Variants in TMEM144 observed in about 807,000 individuals in gnomAD.
TMEM144 encodes transmembrane protein 144.
A neutral mutation model predicts 43.6 loss-of-function variants in TMEM144; 39 were observed. The observed-to-expected ratio is 0.90, with a 90% CI of 0.69 to 1.17. The LOEUF is 1.17. TMEM144 is among the 50% of genes most tolerant of loss of function. The pLI, the probability that TMEM144 is intolerant of heterozygous loss-of-function variation, is 0.00. For missense variants in TMEM144, 417 were observed against 411.9 expected (o/e 1.01, Z -0.11); for synonymous variants, 154 against 133.6 (o/e 1.15, Z -1.06).
intron 6 of TMEM144, among the ~76,000 whole-genome samples, chr4:158,227,867 T>C (rs1027284599): frequency 2.0e-5 from 3 of 152,264 alleles, no homozygotes; most frequent in Admixed American, 1.3e-4. Context: ...CCTGGTGTCA[T>C]AGTACTCCAT....
At chr4:158,225,679 G>A (rs1477663263) in intron 6 of TMEM144, among the ~76,000 whole-genome samples, 1 of 152,212 alleles carries the variant, frequency 6.6e-6, no homozygotes, top group African/African-American at 2.4e-5. Flanking sequence ...TCGGCAGAGT[G>A]CCCAGTAAAG....
intron 7 of TMEM144, chr4:158,233,844 T>C (rs951411324): frequency 3.3e-5 from 5 of 152,228 alleles, no homozygotes; most frequent in African/African-American, 1.2e-4. Flanking sequence ...TTAGCTTAAG[T>C]GTAAAGAGAA....
At chr4:158,233,058 C>T (rs1401594838) in intron 7 of TMEM144, 76 bp downstream of exon 7, 8 of 1,173,632 alleles carry the variant, frequency 6.8e-6, no homozygotes, top group African/African-American at 1.6e-5. Flanking sequence ...ATTTTAAACA[C>T]AGATGAAAAA....
In TMEM144 at chr4:158,253,659, G is replaced by A; in HGVS notation, c.*132G>A. 1.5e-6 allele frequency: 1 copy of A among 667,724 alleles called. No individual in the cohort carries two copies. Among genetic ancestry groups the A allele is most frequent in the Admixed American group, 3.3e-5 (1 of 30,688 alleles). 41.4% of individuals were successfully genotyped at this position (667,724 alleles called of 1,614,324 possible). Reference sequence around the variant, plus strand: ...TCAGCCACTGTTGGAGTGGGTAAATGATTTTTTTCCCCAAAAATGTGAGAA... The same window carrying A: ...TCAGCCACTGTTGGAGTGGGTAAATAATTTTTTTCCCCAAAAATGTGAGAA... On this transcript the variant is annotated 3_prime_UTR_variant, in exon 13 of 13. Transcript: ENST00000296529.
chr4:158,244,251 A>G (rs1167650009), intron 11 of TMEM144, 45 bp from the exon 12 acceptor site: 1 of 1,384,336 alleles, frequency 7.2e-7, no homozygotes, highest in Non-Finnish European at 1.0e-6. Flanking sequence ...GAATCTAGTC[A>G]TAGGTAAATA....
At chr4:158,233,160 G>A (rs760219561) in intron 7 of TMEM144, 178 bp downstream of exon 7, 1 of 487,738 alleles carries the variant, frequency 2.1e-6, no homozygotes, top group Non-Finnish European at 3.7e-6. Context: ...TATTTCCGCA[G>A]TTGAGCTTCT....
At chr4:158,236,739 G>A (rs933632404) in intron 8 of TMEM144, among the ~76,000 whole-genome samples, 2 of 152,026 alleles carry the variant, frequency 1.3e-5, no homozygotes, top group African/African-American at 4.8e-5. Flanking sequence ...GGGCTGGAGT[G>A]CAGTGGCAAA....
rs568347828 is a variant in TMEM144, at chr4:158,245,801, A to G, written c.954+1452A>G. On this transcript the variant is annotated intron_variant, in intron 12 of 12. Coordinates refer to ENST00000296529, the MANE Select transcript of TMEM144 (RefSeq NM_018342.5). The stretch of plus-strand genomic sequence containing the variant: ...AAATTAGCCAGGTGTGGTGAGGAAC[A>G]CTTGTAGTCACAGCCACTCAGAAGG... Among the ~76,000 whole-genome samples the G allele has an allele frequency of 1.6e-4, 24 of 152,182 alleles. No homozygotes were observed. The South Asian group carries it at 5.0e-3, about 32-fold the overall frequency.
chr4:158,253,657 A>G lies in TMEM144; in HGVS notation c.*130A>G, dbSNP rs2111161964. 1 of 686,310 alleles carries G rather than the reference A, an allele frequency of 1.5e-6. No individual in the cohort carries two copies. Among genetic ancestry groups the G allele is most frequent in the Non-Finnish European group, 2.4e-6 (1 of 417,144 alleles). 42.5% of individuals were successfully genotyped at this position (686,310 alleles called of 1,614,324 possible). A position where few individuals can be genotyped will look rare whatever the true frequency, so the allele number is the denominator to read the frequency against. ...TCTCAGCCACTGTTGGAGTGGGTAA[A>G]TGATTTTTTTCCCCAAAAATGTGAG... On this transcript the variant is annotated 3_prime_UTR_variant, in exon 13 of 13. Transcript: ENST00000296529.
intron 12 of TMEM144, among the ~76,000 whole-genome samples, chr4:158,249,654 A>G (rs1245526026): frequency 6.6e-6 from 1 of 152,226 alleles, no homozygotes; most frequent in African/African-American, 2.4e-5. Context: ...TTAGCAATGT[A>G]TTCACGTAAT....
intron 6 of TMEM144, among the ~76,000 whole-genome samples, chr4:158,232,310 A>T (rs1735121418): frequency 6.6e-6 from 1 of 152,184 alleles, no homozygotes; most frequent in South Asian, 2.1e-4. Flanking sequence ...GAGCATAGAG[A>T]TCATCATTAT....
intron 4 of TMEM144, among the ~76,000 whole-genome samples, chr4:158,216,869 CA>C (rs1245335071): frequency 4.0e-5 from 6 of 151,012 alleles, no homozygotes; most frequent in African/African-American, 1.5e-4. Context: ...CAGTGACCCT[CA>C]AAACATAAGA....
At position 158,215,225 on chromosome 4, in the gene TMEM144, A is replaced by G; in HGVS notation, c.144A>G (p.Ile48Met). 6 of 1,613,792 alleles carry G rather than the reference A, an allele frequency of 3.7e-6. No individual in the cohort carries two copies. The highest frequency in any genetic ancestry group is 5.1e-6 in the Non-Finnish European group (6 of 1,179,776). Residue 48 changes from isoleucine to methionine, a missense_variant, in exon 4 of 13, where the codon ATA (isoleucine) becomes ATG (methionine). Physicochemically the swap from Ile to Met is conservative, Grantham distance 10 (BLOSUM62 1). Transcript: ENST00000296529. ...MFLQWVLCAA[I>M]WLVALVVNLI... ...TCCAGTGGGTTCTTTGTGCTGCCATATGGTTGGTTGCCTTGGTTGTCAATC... is the reference window on the plus strand; with the variant it reads ...TCCAGTGGGTTCTTTGTGCTGCCATGTGGTTGGTTGCCTTGGTTGTCAATC...
chr4:158,252,802 C>T (rs1318863957), intron 12 of TMEM144, among the ~76,000 whole-genome samples: 1 of 135,704 alleles, frequency 7.4e-6, no homozygotes, highest in Non-Finnish European at 1.6e-5. Context: ...AGGGAGACTC[C>T]GTCTCAAAAA....
chr4:158,237,560 A>G lies in TMEM144; in HGVS notation c.599A>G (p.Tyr200Cys), dbSNP rs777313105. ...CTTGCAGTGATATCTGGAGTACTCT[A>G]TGGATCTACATTTGTGCCAATCATC... The part of the protein sequence containing the change: ...CSLAVISGVL[Y>C]GSTFVPIIYI... Residue 200 changes from tyrosine (Y) to cysteine (C), a missense_variant, in exon 9 of 13, where the codon TAT becomes TGT. Physicochemically the swap from Tyr to Cys is radical, Grantham distance 194. Coordinates refer to ENST00000296529, the MANE Select transcript of TMEM144 (RefSeq NM_018342.5). The G allele has an allele frequency of 1.3e-5, 21 of 1,613,878 alleles. No individual in the cohort carries two copies. Among genetic ancestry groups the G allele is most frequent in the East Asian group, 4.5e-5 (2 of 44,870 alleles).
chr4:158,247,279 A>G (rs1579154113), intron 12 of TMEM144, among the ~76,000 whole-genome samples: 1 of 152,046 alleles, frequency 6.6e-6, no homozygotes, highest in Non-Finnish European at 1.5e-5. Flanking sequence ...TTCATGAAAC[A>G]TAAGAGTTCT....
chr4:158,251,216 G>A (rs994292637), intron 12 of TMEM144, among the ~76,000 whole-genome samples: 1 of 152,242 alleles, frequency 6.6e-6, no homozygotes, highest in Admixed American at 6.5e-5. Flanking sequence ...ACTTTGTAAT[G>A]TTCAAACCTT....
At chr4:158,246,660 C>G (rs1435913663) in intron 12 of TMEM144, among the ~76,000 whole-genome samples, 2 of 151,992 alleles carry the variant, frequency 1.3e-5, no homozygotes, top group East Asian at 3.8e-4. Flanking sequence ...AAAAGTAACT[C>G]TATGCCCAAA....
intron 10 of TMEM144, among the ~76,000 whole-genome samples, chr4:158,241,187 G>A (rs554740439): frequency 5.3e-5 from 8 of 151,720 alleles, no homozygotes; most frequent in Admixed American, 3.9e-4. Context: ...TATGGTTTAC[G>A]GTAAATGGTA....
Sources: allele counts gnomAD v4.1 joint callset (sites outside exome capture counted in the v4.1 genomes callset), GRCh38; gene constraint gnomAD v4.1.1; transcripts MANE v1.5; gene names NCBI Gene and HGNC (gene_info 2026-07-23, HGNC 2026-07-21).